Variants in HTRA1 observed in about 807,000 individuals in gnomAD.
HTRA1 encodes serine protease HTRA1.
A neutral mutation model predicts 49.7 loss-of-function variants in HTRA1; 26 were observed. The ratio of observed to expected loss-of-function variants is 0.52; its 90% CI spans 0.38 to 0.73. HTRA1 has a LOEUF of 0.73. HTRA1 is among the 30% of genes least tolerant of loss of function. The pLI, the probability that HTRA1 is intolerant of heterozygous loss-of-function variation, is 0.00. For synonymous variants in HTRA1, 291 were observed against 286.9 expected (o/e 1.01, Z -0.14); for missense variants, 561 against 667.2 (o/e 0.84, Z 1.75).
chr10:122,511,067 G>C (rs915222723), intron 7 of HTRA1, among the ~76,000 whole-genome samples: 1 of 152,132 alleles, frequency 6.6e-6, no homozygotes, highest in Non-Finnish European at 1.5e-5. Context: ...CCTTGGGAAC[G>C]ATATGACCCC....
chr10:122,465,053 A>G (rs1323522182), intron 1 of HTRA1, among the ~76,000 whole-genome samples: 1 of 152,194 alleles, frequency 6.6e-6, no homozygotes, highest in Non-Finnish European at 1.5e-5. Flanking sequence ...GGAGGTGACT[A>G]GCACTTTGGG....
At position 122,461,619 on chromosome 10, in the gene HTRA1, G is replaced by A. The variant is rs981452042; in HGVS notation, c.-34G>A. 1 of 1,263,536 alleles carries A rather than the reference G, an allele frequency of 7.9e-7. No individual in the cohort carries two copies. The highest frequency in any genetic ancestry group is 1.0e-6 in the Non-Finnish European group (1 of 975,790). The allele number at this position is 1,263,536 out of a possible 1,614,324, so 78.3% of individuals were successfully genotyped here. On this transcript the variant is annotated 5_prime_UTR_variant, in exon 1 of 9. Transcript: ENST00000368984. ...GGCGCCGCTCTCCGGCCCTCGCCCT[G>A]TCCGCCGCCACCGCCGCCGCCGCCA... is the stretch of plus-strand genomic sequence containing the variant.
chr10:122,471,739 T>C (rs903419737), intron 1 of HTRA1, among the ~76,000 whole-genome samples: 3 of 152,194 alleles, frequency 2.0e-5, no homozygotes, highest in Admixed American at 2.0e-4. Context: ...AGTCTGTTTG[T>C]CCTGAGACCC....
rs1262553195 is a variant in HTRA1 at position 122,506,347 on chromosome 10, C to G, written c.778-344C>G. On this transcript the variant is annotated intron_variant, in intron 3 of 8. Transcript: ENST00000368984. The surrounding 1 kb of genome is among the most constrained non-coding windows in gnomAD (Gnocchi z 5.2). The stretch of plus-strand genomic sequence containing the variant: ...AACCCTAAATTCATGTTGTCTTCCT[C>G]TGTCTCTTGGCCTCAAGGTTTCAGA... Among the ~76,000 whole-genome samples the G allele has an allele frequency of 6.6e-6, 1 of 152,212 alleles. No individual in the cohort carries two copies.
At chr10:122,507,042 G>A (rs2097503354) in intron 4 of HTRA1, among the ~76,000 whole-genome samples, 157 bp downstream of exon 4, 1 of 152,150 alleles carries the variant, frequency 6.6e-6, no homozygotes, top group South Asian at 2.1e-4. Flanking sequence ...GCATGGCAGG[G>A]GTCACATGGC....
chr10:122,472,723 G>A (rs2097486691), intron 1 of HTRA1, among the ~76,000 whole-genome samples: 1 of 152,072 alleles, frequency 6.6e-6, no homozygotes, highest in East Asian at 1.9e-4. Context: ...CCCAAGTGTT[G>A]CCACCGTTTG....
chr10:122,475,795 A>T (rs890757401), intron 1 of HTRA1, among the ~76,000 whole-genome samples: 1 of 152,202 alleles, frequency 6.6e-6, no homozygotes, highest in Admixed American at 6.5e-5. Context: ...TACCAGCAGC[A>T]GCGATTAGAA....
chr10:122,461,614 G>A lies in HTRA1; in HGVS notation c.-39G>A, dbSNP rs1391239135. ...TCCCCGGCGCCGCTCTCCGGCCCTC[G>A]CCCTGTCCGCCGCCACCGCCGCCGC... On this transcript the variant is annotated 5_prime_UTR_variant, in exon 1 of 9. Transcript: ENST00000368984. The A allele has an allele frequency of 7.3e-6, 9 of 1,238,646 alleles. No individual in the cohort carries two copies. Among genetic ancestry groups the A allele is most frequent in the Non-Finnish European group, 8.4e-6 (8 of 954,630 alleles). 76.7% of individuals were successfully genotyped at this position (1,238,646 alleles called of 1,614,324 possible).
chr10:122,490,712 T>C lies in HTRA1; in HGVS notation c.777+1086T>C, dbSNP rs1305323221. Among the ~76,000 whole-genome samples the C allele has an allele frequency of 6.6e-6, 1 of 152,138 alleles. No homozygotes were observed. Among genetic ancestry groups the C allele is most frequent in the Non-Finnish European group, 1.5e-5 (1 of 68,026 alleles). On this transcript the variant is annotated intron_variant, in intron 3 of 8. Coordinates refer to ENST00000368984, the MANE Select transcript of HTRA1 (RefSeq NM_002775.5). This position sits in a 1 kb window ranked among gnomAD's most constrained non-coding sequence, Gnocchi z 4.2. ...TGGGCTGAGTAATTCCAGACAAGCG[T>C]GGAATTAATCTGGCTGTTTGTGCTG...
chr10:122,511,506 G>A (rs1029684279), intron 7 of HTRA1, among the ~76,000 whole-genome samples: 2 of 152,118 alleles, frequency 1.3e-5, no homozygotes, highest in East Asian at 3.9e-4. Flanking sequence ...GCCAAGGCGG[G>A]CAGATCACTT....
chr10:122,464,362 C>T lies in HTRA1; in HGVS notation c.472+2238C>T, dbSNP rs1212792318. Reference sequence around the variant, plus strand: ...GGCCCCCGGTGTACCAGTGAGGGGACAGCCACAGAGGGATAAGCATGGTGG... The same window carrying T: ...GGCCCCCGGTGTACCAGTGAGGGGATAGCCACAGAGGGATAAGCATGGTGG... On this transcript the variant is annotated intron_variant, in intron 1 of 8. Transcript: ENST00000368984. The surrounding 1 kb of genome is among the most constrained non-coding windows in gnomAD (Gnocchi z 4.8). 6.6e-6 allele frequency among the ~76,000 whole-genome samples: 1 copy of T among 152,120 alleles called. No individual in the cohort carries two copies. The highest frequency in any genetic ancestry group is 2.4e-5 in the African/African-American group (1 of 41,422).
At chr10:122,472,855 C>T (rs1197302912) in intron 1 of HTRA1, among the ~76,000 whole-genome samples, 1 of 152,076 alleles carries the variant, frequency 6.6e-6, no homozygotes, top group Non-Finnish European at 1.5e-5. Context: ...AGGAGAGGTA[C>T]TAAGGAGTAC....
At chr10:122,509,718 G>A (rs1309330655) in intron 6 of HTRA1, among the ~76,000 whole-genome samples, 3 of 152,198 alleles carry the variant, frequency 2.0e-5, no homozygotes, top group Non-Finnish European at 4.4e-5. Flanking sequence ...GTTGGGGACC[G>A]GTTAAGGGGC....
chr10:122,472,813 A>G (rs769043168), intron 1 of HTRA1, among the ~76,000 whole-genome samples: 4 of 152,196 alleles, frequency 2.6e-5, no homozygotes, highest in Non-Finnish European at 5.9e-5. Flanking sequence ...TTTCATGTTT[A>G]TGGCTATTTC....
In HTRA1 at chr10:122,506,460, G is replaced by T. The variant is rs1052789467; in HGVS notation, c.778-231G>T. Among the ~76,000 whole-genome samples, 1 of 152,084 alleles carries T rather than the reference G, an allele frequency of 6.6e-6. No homozygotes were observed. Among genetic ancestry groups the T allele is most frequent in the African/African-American group, 2.4e-5 (1 of 41,394 alleles). ...CCACGGTTTCCTTGGTGTGTGTGTG[G>T]CTTCAGTGTTCACTGGCTCCCGCAC... On this transcript the variant is annotated intron_variant, in intron 3 of 8. Coordinates refer to ENST00000368984, the MANE Select transcript of HTRA1 (RefSeq NM_002775.5). This position sits in a 1 kb window ranked among gnomAD's most constrained non-coding sequence, Gnocchi z 5.2.
intron 1 of HTRA1, among the ~76,000 whole-genome samples, chr10:122,465,767 G>T (rs746203894): frequency 1.3e-5 from 2 of 152,160 alleles, no homozygotes; most frequent in Non-Finnish European, 2.9e-5. Context: ...CTGTTTCCAA[G>T]CCAGAGATCC....
chr10:122,509,938 C>T (rs1253389644), intron 6 of HTRA1, among the ~76,000 whole-genome samples, 158 bp from the exon 7 acceptor site: 1 of 152,172 alleles, frequency 6.6e-6, no homozygotes, highest in African/African-American at 2.4e-5. Flanking sequence ...CAAGGTCCCC[C>T]AGAGGGGAGG....
chr10:122,492,680 G>A (rs2097496458), intron 3 of HTRA1, among the ~76,000 whole-genome samples: 1 of 152,238 alleles, frequency 6.6e-6, no homozygotes, highest in South Asian at 2.1e-4. Context: ...GAATTGCCAC[G>A]GACATCTGTG....
intron 4 of HTRA1, 125 bp from the exon 5 acceptor site, chr10:122,507,245 T>C: frequency 2.5e-6 from 2 of 816,324 alleles, no homozygotes; most frequent in Non-Finnish European, 4.3e-6. Context: ...TTAATGGGAA[T>C]GAATCTCAGA....
Sources: allele counts gnomAD v4.1 joint callset (sites outside exome capture counted in the v4.1 genomes callset), GRCh38; gene constraint gnomAD v4.1.1; non-coding constraint Gnocchi (gnomAD v3.1); transcripts MANE v1.5; gene names NCBI Gene and HGNC (gene_info 2026-07-23, HGNC 2026-07-21).